JAK1: variants seen among roughly 807,000 people sequenced by gnomAD.
JAK1 encodes the protein Janus kinase 1, also known as tyrosine-protein kinase JAK1.
JAK1 carries 16 observed loss-of-function variants against 136.6 expected under a neutral mutation model. That is an observed-to-expected ratio of 0.12 (90% CI 0.08 to 0.18). The LOEUF is 0.18. Among genes scored for constraint, JAK1 ranks in the 10% least tolerant of loss-of-function variants. JAK1 has a pLI of 1.00. For missense variants in JAK1, 859 were observed against 1,450.1 expected, an observed-to-expected ratio of 0.59 and a Z score of 6.62; for synonymous variants, 492 against 519.5, an observed-to-expected ratio of 0.95 and a Z score of 0.72.
intron 2 of JAK1, among the ~76,000 whole-genome samples, chr1:65,043,391 CT>C (rs1477083583): frequency 7.2e-5 from 11 of 152,102 alleles, no homozygotes; most frequent in African/African-American, 2.7e-4. Flanking sequence ...AATAGAAAAA[CT>C]TTTTTAAATG....
intron 1 of JAK1, among the ~76,000 whole-genome samples, chr1:64,915,668 C>A (rs997190610): frequency 2.6e-5 from 4 of 152,300 alleles, no homozygotes; most frequent in African/African-American, 9.6e-5. Flanking sequence ...GCTACTGTAA[C>A]TGAGAAACCG....
In JAK1 at chr1:64,836,166, C is replaced by T. The variant is rs1013552862; in HGVS notation, c.3190G>A (p.Val1064Ile). 9 of 1,613,188 alleles carry T rather than the reference C, an allele frequency of 5.6e-6. No individual in the cohort carries two copies. The highest frequency in any genetic ancestry group is 3.3e-5 in the Admixed American group (2 of 59,994). The change falls in exon 23 of 25, where the codon GTC (valine) becomes ATC (isoleucine). Residue 1064 changes from valine (V) to isoleucine (I), a missense_variant. Around this residue, in one of 4 missense-constraint regions of JAK1, gnomAD observed 44 missense variants for 137.6 expected, o/e 0.32. Transcript: ENST00000342505. ...MQSKFYIASD[V>I]WSFGVTLHEL... ...TGCAGAGTGACTCCAAAAGACCAGA[C>T]GTCAGAGGCAATATAAAATTTAGAT...
intron 1 of JAK1, among the ~76,000 whole-genome samples, chr1:64,924,002 A>G (rs1327129096): frequency 6.6e-6 from 1 of 152,226 alleles, no homozygotes; most frequent in East Asian, 1.9e-4. Flanking sequence ...TTCAATAGTA[A>G]TTGCTCTGTC....
At chr1:64,886,213 TA>T (rs775575296) in intron 2 of JAK1, 45 bp downstream of exon 2, 10 of 1,298,942 alleles carry the variant, frequency 7.7e-6, no homozygotes, top group Non-Finnish European at 9.9e-6. Context: ...TCAATTTTTT[TA>T]AAGCCAGATA....
intron 2 of JAK1, among the ~76,000 whole-genome samples, chr1:65,033,877 A>G (rs759888900): frequency 6.6e-6 from 1 of 152,242 alleles, no homozygotes; most frequent in African/African-American, 2.4e-5. Flanking sequence ...CAAATTATAT[A>G]ACATTTCTAA....
chr1:64,965,916 C>T (rs12127284), intron 1 of JAK1, among the ~76,000 whole-genome samples: 79,947 of 152,002 alleles, frequency 0.53, 24,922 homozygotes, highest in Non-Finnish European at 0.71. Flanking sequence ...GCTGCCACCC[C>T]GGCCGGGAGC....
chr1:64,850,755 G>T, intron 12 of JAK1, 49 bp downstream of exon 12: 1 of 1,247,442 alleles, frequency 8.0e-7, no homozygotes, highest in Non-Finnish European at 1.2e-6. Context: ...CTGCTCCATC[G>T]TGGGGAGGCA....
chr1:64,897,172 G>C (rs1274216318), intron 1 of JAK1, among the ~76,000 whole-genome samples: 2 of 151,866 alleles, frequency 1.3e-5, no homozygotes, highest in Admixed American at 1.3e-4. Flanking sequence ...GCTCACGCCT[G>C]CAATCTCAGC....
intron 2 of JAK1, among the ~76,000 whole-genome samples, chr1:65,044,476 G>A (rs1016206567): frequency 1.9e-4 from 29 of 152,164 alleles, no homozygotes; most frequent in Admixed American, 1.8e-3. Flanking sequence ...TAATACCTAC[G>A]TACCTGCCTG....
chr1:64,873,546 C>T (rs745899739), intron 4 of JAK1, 23 bp from the exon 5 acceptor site: 6 of 1,613,688 alleles, frequency 3.7e-6, no homozygotes, highest in Middle Eastern at 3.3e-4. Context: ...AAAATGAATG[C>T]CAATTGTGGC....
At chr1:64,852,289 G>A (rs769350462) in intron 11 of JAK1, among the ~76,000 whole-genome samples, 1 of 152,104 alleles carries the variant, frequency 6.6e-6, no homozygotes, top group Non-Finnish European at 1.5e-5. Flanking sequence ...CAGGCAGTTC[G>A]TAATCTTAGG....
intron 1 of JAK1, among the ~76,000 whole-genome samples, chr1:64,921,995 C>A (rs539912333): frequency 6.6e-6 from 1 of 151,874 alleles, no homozygotes; most frequent in African/African-American, 2.4e-5. Context: ...CAGAGTAGAT[C>A]GGCATAGGGA....
At chr1:64,836,746 T>G (rs1654503610) in intron 22 of JAK1, among the ~76,000 whole-genome samples, 1 of 152,212 alleles carries the variant, frequency 6.6e-6, no homozygotes, top group Non-Finnish European at 1.5e-5. Context: ...GTCCCTGTCC[T>G]AATTCATGCT....
At chr1:64,964,329 A>G (rs985446402) in intron 1 of JAK1, among the ~76,000 whole-genome samples, 5 of 152,244 alleles carry the variant, frequency 3.3e-5, no homozygotes, top group Non-Finnish European at 7.3e-5. Flanking sequence ...TCTGAGAATT[A>G]GAAAACACAG....
intron 2 of JAK1, among the ~76,000 whole-genome samples, chr1:65,037,430 C>T (rs1343208426): frequency 2.0e-5 from 3 of 152,156 alleles, no homozygotes; most frequent in Admixed American, 6.5e-5. Flanking sequence ...TGTGCACCAC[C>T]GTGCCCAGCT....
intron 2 of JAK1, among the ~76,000 whole-genome samples, chr1:65,005,553 G>A (rs1423718118): frequency 2.6e-5 from 4 of 152,052 alleles, no homozygotes; most frequent in Non-Finnish European, 5.9e-5. Flanking sequence ...AATTTTGAAT[G>A]TTCACAACAC....
intron 1 of JAK1, among the ~76,000 whole-genome samples, chr1:65,048,836 T>C (rs1405735381): frequency 6.6e-6 from 1 of 152,188 alleles, no homozygotes; most frequent in Non-Finnish European, 1.5e-5. Flanking sequence ...TGTTTTCTGT[T>C]GAACTTTTTC....
chr1:65,049,006 G>C (rs546341696), intron 1 of JAK1, among the ~76,000 whole-genome samples: 3 of 152,260 alleles, frequency 2.0e-5, no homozygotes, highest in Non-Finnish European at 4.4e-5. Flanking sequence ...TAAGGCAACG[G>C]GATCTATTTC....
intron 2 of JAK1, among the ~76,000 whole-genome samples, chr1:65,003,048 G>A (rs1374928525): frequency 1.4e-5 from 2 of 145,382 alleles, no homozygotes; most frequent in Non-Finnish European, 3.0e-5. Context: ...AAAAGCATTG[G>A]CACCGCAGCA....
Sources: allele counts gnomAD v4.1 joint callset (sites outside exome capture counted in the v4.1 genomes callset), GRCh38; gene constraint gnomAD v4.1.1; regional missense constraint gnomAD v4.1.1; transcripts MANE v1.5; gene names NCBI Gene and HGNC (gene_info 2026-07-23, HGNC 2026-07-21).